The following NRG1 variants were observed in gnomAD, a reference collection of about 807,000 sequenced individuals.
NRG1 encodes pro-neuregulin-1, membrane-bound isoform.
In NRG1, 18 loss-of-function variants were observed where a neutral mutation model predicts 63.8. That is an observed-to-expected ratio of 0.28 (90% CI 0.19 to 0.42). NRG1 has a LOEUF of 0.42. NRG1 is among the 10% of genes least tolerant of loss of function. NRG1 has a pLI of 1.00. For synonymous variants in NRG1, 302 were observed against 301.3 expected (o/e 1.00, Z -0.02); for missense variants, 762 against 814.7 (o/e 0.94, Z 0.79).
At chr8:31,856,541 C>G (rs553140573) in intron 1 of NRG1, among the ~76,000 whole-genome samples, 1 of 152,302 alleles carries the variant, frequency 6.6e-6, no homozygotes, top group Admixed American at 6.5e-5. Flanking sequence ...TTTTCAACTT[C>G]TTTGCCTTTG....
Position 32,056,516 on chromosome 8 carries a change from T to C in NRG1, c.37+417085T>C, listed in dbSNP as rs551454357. ...ATTGATTCATCGAGCCTCAATCATA[T>C]TTCAGCCTTCCAGCCCTAGAATTAC... On this transcript the variant is annotated intron_variant, in intron 1 of 10. Coordinates refer to the NRG1 transcript ENST00000519301. 7.9e-5 allele frequency among the ~76,000 whole-genome samples: 12 copies of C among 152,328 alleles called. 1 individual carries two copies. In the South Asian group the frequency reaches 2.1e-3, roughly 26 times the overall value.
chr8:32,256,586 C>G (rs770670408), intron 1 of NRG1: 1 of 152,996 alleles, frequency 6.5e-6, no homozygotes, highest in African/African-American at 2.4e-5. Context: ...GATGGGAGAC[C>G]CTGTTTGCCT....
chr8:32,385,261 G>A (rs1468074733), intron 1 of NRG1, among the ~76,000 whole-genome samples: 2 of 151,898 alleles, frequency 1.3e-5, no homozygotes, highest in African/African-American at 4.8e-5. Flanking sequence ...CTCCTGACTC[G>A]TGATCCACCC....
intron 5 of NRG1, among the ~76,000 whole-genome samples, chr8:32,685,389 C>T (rs1424220477): frequency 1.3e-5 from 2 of 152,090 alleles, no homozygotes; most frequent in Admixed American, 1.3e-4. Flanking sequence ...GAGGGAACTC[C>T]TCCCTTGGAG....
At chr8:32,360,911 T>C (rs879346480) in intron 1 of NRG1, among the ~76,000 whole-genome samples, 1 of 152,012 alleles carries the variant, frequency 6.6e-6, no homozygotes, top group African/African-American at 2.4e-5. Flanking sequence ...GGTTCGGAGG[T>C]AGAGCTGGCC....
chr8:32,268,934 C>G (rs990186345), intron 1 of NRG1, among the ~76,000 whole-genome samples: 10 of 152,062 alleles, frequency 6.6e-5, no homozygotes, highest in African/African-American at 2.4e-4. Flanking sequence ...GATACATTAC[C>G]CATTTAGTGA....
intron 1 of NRG1, among the ~76,000 whole-genome samples, chr8:32,141,784 T>C (rs1172849929): frequency 6.6e-6 from 1 of 151,574 alleles, no homozygotes; most frequent in East Asian, 1.9e-4. Context: ...CTTGCTCAGC[T>C]CAAGGGGTAC....
rs537964031 is a variant in NRG1 at position 32,657,733 on chromosome 8, T to G, written c.502+40848T>G. Among the ~76,000 whole-genome samples the G allele has an allele frequency of 1.6e-4, 24 of 152,346 alleles. No individual in the cohort carries two copies. In the South Asian group the frequency reaches 5.0e-3, roughly 32 times the overall value. On this transcript the variant is annotated intron_variant, in intron 5 of 11. Transcript: ENST00000356819. ...GTAGAGCTTCCTGGGTCATAATTGC[T>G]TGCTCTTCTGGGAGCAAAAGGAATC...
At chr8:32,054,019 T>C (rs1409527441) in intron 1 of NRG1, among the ~76,000 whole-genome samples, 1 of 152,210 alleles carries the variant, frequency 6.6e-6, no homozygotes, top group African/African-American at 2.4e-5. Flanking sequence ...TAAAATGTGA[T>C]ATAATGTAAT....
intron 1 of NRG1, among the ~76,000 whole-genome samples, chr8:31,896,618 C>T (rs1023631452): frequency 6.6e-5 from 10 of 152,314 alleles, no homozygotes; most frequent in Admixed American, 1.3e-4. Context: ...GCTTCTTGGA[C>T]GCCCACTTCC....
intron 5 of NRG1, among the ~76,000 whole-genome samples, chr8:32,707,728 T>G (rs1589325664): frequency 1.6e-3 from 3 of 1,930 alleles, no homozygotes; most frequent in Non-Finnish European, 0.038. Context: ...CATTTTGAGA[T>G]TTTTTTTTTC....
intron 1 of NRG1, among the ~76,000 whole-genome samples, chr8:32,491,055 A>T (rs1202140024): frequency 1.3e-5 from 2 of 152,206 alleles, no homozygotes; most frequent in African/African-American, 4.8e-5. Flanking sequence ...CTTCATCTCA[A>T]GGTGTCACTG....
intron 1 of NRG1, among the ~76,000 whole-genome samples, chr8:32,392,414 A>G (rs1354291988): frequency 6.6e-6 from 1 of 152,240 alleles, no homozygotes; most frequent in East Asian, 1.9e-4. Context: ...AAACATGGGA[A>G]GGCAGTACTT....
intron 1 of NRG1, among the ~76,000 whole-genome samples, chr8:31,848,814 C>G (rs780238451): frequency 2.6e-5 from 4 of 152,148 alleles, no homozygotes; most frequent in Non-Finnish European, 5.9e-5. Context: ...AAAACAAGCT[C>G]AGGGCTCCCA....
intron 1 of NRG1, among the ~76,000 whole-genome samples, chr8:32,104,778 C>T (rs1418894511): frequency 6.6e-6 from 1 of 152,070 alleles, no homozygotes; most frequent in East Asian, 1.9e-4. Flanking sequence ...CACTGTCTTC[C>T]ACCTCCACAT....
exon 12 of NRG1, chr8:32,764,191 G>A (rs780708031): frequency 1.9e-6 from 3 of 1,614,142 alleles, no homozygotes; most frequent in Non-Finnish European, 1.7e-6. Context: ...TCCCAGAGCA[G>A]TAACTCAGAG....
chr8:31,742,564 A>G (rs1012470581), intron 1 of NRG1, among the ~76,000 whole-genome samples: 1 of 145,726 alleles, frequency 6.9e-6, no homozygotes, highest in African/African-American at 2.5e-5. Flanking sequence ...CTGAAACACT[A>G]TAACTTTTCC....
chr8:32,375,439 A>T (rs1809498859), intron 1 of NRG1, among the ~76,000 whole-genome samples: 1 of 152,296 alleles, frequency 6.6e-6, no homozygotes, highest in Non-Finnish European at 1.5e-5. Context: ...TGTATATTTG[A>T]TAATAGCATA....
intron 1 of NRG1, among the ~76,000 whole-genome samples, chr8:31,815,330 G>A (rs549622816): frequency 1.4e-4 from 21 of 151,912 alleles, no homozygotes; most frequent in Non-Finnish European, 2.4e-4. Context: ...TCATATAAGC[G>A]GTATCATGCA....
Sources: allele counts gnomAD v4.1 joint callset (sites outside exome capture counted in the v4.1 genomes callset), GRCh38; gene constraint gnomAD v4.1.1; transcripts MANE v1.5; gene names NCBI Gene and HGNC (gene_info 2026-07-23, HGNC 2026-07-21).